Variants in ACSM3 observed in about 807,000 individuals in gnomAD.
ACSM3 encodes acyl-CoA synthetase medium chain family member 3.
In ACSM3, 61 loss-of-function variants were observed where a neutral mutation model predicts 74.1. The ratio of observed to expected loss-of-function variants is 0.82; its 90% CI spans 0.67 to 1.02. The LOEUF is 1.02. ACSM3 is among the 50% of genes least tolerant of loss of function. The pLI, the probability that ACSM3 is intolerant of heterozygous loss-of-function variation, is 0.00. For missense variants in ACSM3, 660 were observed against 697.0 expected (o/e 0.95, Z 0.60); for synonymous variants, 213 against 241.5 (o/e 0.88, Z 1.09).
At chr16:20,712,955 T>G (rs2079749043) in intron 1 of ACSM3, among the ~76,000 whole-genome samples, 1 of 151,306 alleles carries the variant, frequency 6.6e-6, no homozygotes, top group Admixed American at 6.6e-5. Context: ...TAGAAAGAGA[T>G]GACATGTAAA....
chr16:20,696,566 C>T lies in ACSM3; in HGVS notation c.-190+21744C>T, dbSNP rs144382784. Among the ~76,000 whole-genome samples, 461 of 152,300 alleles carry T rather than the reference C, an allele frequency of 3.0e-3. 3 individuals carry two copies. Among genetic ancestry groups the T allele is most frequent in the Non-Finnish European group, 4.7e-3 (319 of 68,018 alleles). ...GATGTACCATGTACAGTTTTAGATA[C>T]TATTGGAGATTAATTAAACTGAAAG... On this transcript the variant is annotated intron_variant, in intron 1 of 3. Transcript: ENST00000561584.
chr16:20,767,661 C>T (rs1413378535), intron 1 of ACSM3, among the ~76,000 whole-genome samples: 2 of 151,520 alleles, frequency 1.3e-5, no homozygotes, highest in Non-Finnish European at 2.9e-5. Context: ...TAGTTCTGTT[C>T]TTAAGAGCAG....
chr16:20,751,889 C>T (rs2079991503), intron 2 of ACSM3, among the ~76,000 whole-genome samples: 1 of 152,174 alleles, frequency 6.6e-6, no homozygotes, highest in African/African-American at 2.4e-5. Flanking sequence ...GGCATTAAAA[C>T]AAAAGGACAT....
chr16:20,780,451 T>C, intron 4 of ACSM3: 2 of 652,214 alleles, frequency 3.1e-6, no homozygotes, highest in South Asian at 4.3e-5. Flanking sequence ...TAAAAATGCT[T>C]CAATCCTTCT....
At chr16:20,733,335 C>A (rs2079842608) in intron 1 of ACSM3, among the ~76,000 whole-genome samples, 1 of 145,888 alleles carries the variant, frequency 6.9e-6, no homozygotes, top group Admixed American at 6.8e-5. Context: ...AAGACAATTT[C>A]TTCTACTTAA....
intron 6 of ACSM3, among the ~76,000 whole-genome samples, chr16:20,781,437 T>G (rs994501098): frequency 3.3e-5 from 5 of 152,176 alleles, no homozygotes; most frequent in African/African-American, 1.2e-4. Context: ...GCATTTACAT[T>G]GTTTTAGGCA....
chr16:20,754,604 G>T (rs535108982), intron 2 of ACSM3, among the ~76,000 whole-genome samples: 4 of 152,224 alleles, frequency 2.6e-5, no homozygotes, highest in South Asian at 4.2e-4. Context: ...CTGCAATAGA[G>T]CCCTGAATTA....
chr16:20,777,300 TG>T, intron 3 of ACSM3, 72 bp from the exon 4 acceptor site: 2 of 1,314,548 alleles, frequency 1.5e-6, no homozygotes, highest in Non-Finnish European at 2.1e-6. Context: ...AATGTATAGA[TG>T]GTATCTACAC....
At chr16:20,706,173 T>C (rs1258019410) in intron 1 of ACSM3, among the ~76,000 whole-genome samples, 1 of 151,880 alleles carries the variant, frequency 6.6e-6, no homozygotes, top group Non-Finnish European at 1.5e-5. Context: ...CCAAAAGTTT[T>C]CCAGATTTTG....
At chr16:20,704,296 C>T (rs763028668) in intron 1 of ACSM3, among the ~76,000 whole-genome samples, 1 of 152,080 alleles carries the variant, frequency 6.6e-6, no homozygotes, top group African/African-American at 2.4e-5. Flanking sequence ...ATTATTACTA[C>T]GTTTTTACTA....
At chr16:20,728,328 A>G (rs1398219761) in intron 1 of ACSM3, 3 of 886,700 alleles carry the variant, frequency 3.4e-6, no homozygotes, top group Non-Finnish European at 5.2e-6. Flanking sequence ...ACTATTTACA[A>G]CCTGCTTTCA....
At chr16:20,746,866 C>A (rs944851200) in intron 1 of ACSM3, among the ~76,000 whole-genome samples, 1 of 152,158 alleles carries the variant, frequency 6.6e-6, no homozygotes, top group African/African-American at 2.4e-5. Context: ...TTCTCTATGG[C>A]AAACTTGGCA....
chr16:20,685,845 AAC>A (rs60640295), intron 1 of ACSM3, among the ~76,000 whole-genome samples: 9,611 of 119,914 alleles, frequency 0.08, 1,787 homozygotes, highest in African/African-American at 0.14. Context: ...ACAAAAAAAA[AAC>A]AAAAAACTTA....
chr16:20,742,342 T>A (rs866976420), intron 1 of ACSM3, among the ~76,000 whole-genome samples: 2 of 152,236 alleles, frequency 1.3e-5, no homozygotes, highest in Middle Eastern at 3.4e-3. Context: ...CTGGGCCTCA[T>A]GCCAATCAAC....
intron 1 of ACSM3, among the ~76,000 whole-genome samples, chr16:20,747,067 AG>A (rs1369426408): frequency 6.7e-6 from 1 of 150,136 alleles, no homozygotes; most frequent in African/African-American, 2.4e-5. Context: ...GTTTTGAAGC[AG>A]GAGATATAAA....
chr16:20,791,020 C>G, intron 10 of ACSM3: 1 of 1,410,088 alleles, frequency 7.1e-7, no homozygotes, highest in Non-Finnish European at 9.8e-7. Flanking sequence ...AGTTAGTGCT[C>G]TTTCTTTTCG....
intron 1 of ACSM3, among the ~76,000 whole-genome samples, chr16:20,719,649 G>A (rs1318477159): frequency 1.3e-5 from 2 of 152,222 alleles, no homozygotes; most frequent in Non-Finnish European, 2.9e-5. Context: ...CACTGAAACT[G>A]TAGCTACTTA....
chr16:20,737,786 T>C (rs1295787668), intron 1 of ACSM3: 1 of 1,613,986 alleles, frequency 6.2e-7, no homozygotes, highest in Non-Finnish European at 8.5e-7. Flanking sequence ...AATGTCCCTT[T>C]GTTTGGAGCT....
chr16:20,739,775 T>G (rs2079901582), intron 1 of ACSM3, among the ~76,000 whole-genome samples: 1 of 151,280 alleles, frequency 6.6e-6, no homozygotes, highest in Admixed American at 6.6e-5. Context: ...GAGCTGAGAT[T>G]GCACCACTGC....
Sources: allele counts gnomAD v4.1 joint callset (sites outside exome capture counted in the v4.1 genomes callset), GRCh38; gene constraint gnomAD v4.1.1; transcripts MANE v1.5; gene names NCBI Gene and HGNC (gene_info 2026-07-23, HGNC 2026-07-21).